PDE4B: variants seen among roughly 807,000 people sequenced by gnomAD.
PDE4B encodes the protein 3',5'-cyclic-AMP phosphodiesterase 4B.
A neutral mutation model predicts 82.2 loss-of-function variants in PDE4B; 20 were observed. The observed-to-expected ratio is 0.24, with a 90% CI of 0.17 to 0.35. The LOEUF (loss-of-function observed/expected upper bound fraction) is 0.35, where lower values mean the gene tolerates loss of function less well. Ranked by LOEUF, PDE4B falls within the 10% of genes least tolerant of loss-of-function variation. The pLI, the probability that PDE4B is intolerant of heterozygous loss-of-function variation, is 1.00. For synonymous variants in PDE4B, 320 were observed against 318.9 expected (o/e 1.00, Z -0.04); for missense variants, 655 against 907.2 (o/e 0.72, Z 3.57).
At chr1:66,149,007 C>T (rs1286119305) in intron 3 of PDE4B, among the ~76,000 whole-genome samples, 1 of 152,170 alleles carries the variant, frequency 6.6e-6, no homozygotes, top group Non-Finnish European at 1.5e-5. Flanking sequence ...AGAGAAATCG[C>T]TAGGTCATAT....
At chr1:66,252,942 A>AAAAT (rs976702232) in intron 4 of PDE4B, among the ~76,000 whole-genome samples, 22 of 152,196 alleles carry the variant, frequency 1.4e-4, no homozygotes, top group African/African-American at 4.6e-4. Context: ...CTGTCTCCAA[A>AAAAT]AAATAAATAA....
At chr1:66,108,186 T>C (rs966665163) in intron 3 of PDE4B, among the ~76,000 whole-genome samples, 1 of 151,968 alleles carries the variant, frequency 6.6e-6, no homozygotes, top group African/African-American at 2.4e-5. Flanking sequence ...AACTGAAATT[T>C]TGTAAGCCTT....
intron 3 of PDE4B, among the ~76,000 whole-genome samples, chr1:65,974,009 TG>T (rs1055170129): frequency 6.6e-6 from 1 of 152,024 alleles, no homozygotes; most frequent in Middle Eastern, 3.2e-3. Flanking sequence ...GATGGAGTTT[TG>T]CCATGTTGAT....
At position 65,837,118 on chromosome 1, in the gene PDE4B, C is replaced by T. The variant is rs145215110; in HGVS notation, c.-71+43870C>T. On this transcript the variant is annotated intron_variant, in intron 1 of 16. Transcript: ENST00000341517. ...TTTTTTTTTTTTAATCATTAAGCTACCATGGTGATAGATATCCTAGACACA... is the reference window on the plus strand; with the variant it reads ...TTTTTTTTTTTTAATCATTAAGCTATCATGGTGATAGATATCCTAGACACA... 1.4e-3 allele frequency among the ~76,000 whole-genome samples: 215 copies of T among 151,578 alleles called. 1 individual carries two copies. The highest frequency in any genetic ancestry group is 5.0e-3 in the African/African-American group (205 of 41,268).
intron 3 of PDE4B, among the ~76,000 whole-genome samples, chr1:65,933,757 A>G (rs963788019): frequency 2.6e-5 from 4 of 152,326 alleles, no homozygotes; most frequent in African/African-American, 9.6e-5. Flanking sequence ...AACAAATGAC[A>G]CAAACGGTAA....
chr1:65,854,621 T>A (rs1217234746), intron 1 of PDE4B, among the ~76,000 whole-genome samples: 1 of 152,110 alleles, frequency 6.6e-6, no homozygotes, highest in Non-Finnish European at 1.5e-5. Flanking sequence ...TTTCTCTGGA[T>A]GCTTTTAAGT....
intron 3 of PDE4B, chr1:66,152,618 ATT>A (rs1221946850): frequency 1.1e-4 from 12 of 112,056 alleles, no homozygotes; most frequent in Admixed American, 5.3e-4. Flanking sequence ...ACATATATAT[ATT>A]TATATATGTG....
intron 1 of PDE4B, among the ~76,000 whole-genome samples, chr1:65,840,631 C>G (rs74690510): frequency 6.6e-6 from 1 of 152,106 alleles, no homozygotes; most frequent in Non-Finnish European, 1.5e-5. Context: ...CATGAGCCAT[C>G]TCTTATGTTA....
intron 3 of PDE4B, among the ~76,000 whole-genome samples, chr1:66,180,503 T>TG (rs1647040768): frequency 1.3e-5 from 2 of 151,850 alleles, no homozygotes; most frequent in Admixed American, 6.6e-5. Flanking sequence ...AAAGCTCAAG[T>TG]CAGGGAACTG....
chr1:66,351,744 A>C (rs1408566458), intron 8 of PDE4B, among the ~76,000 whole-genome samples: 1 of 152,212 alleles, frequency 6.6e-6, no homozygotes, highest in African/African-American at 2.4e-5. Context: ...GAGAATGAAA[A>C]GTCAAGATTT....
At chr1:65,900,007 C>A (rs1646953884) in intron 1 of PDE4B, among the ~76,000 whole-genome samples, 1 of 151,896 alleles carries the variant, frequency 6.6e-6, no homozygotes, top group African/African-American at 2.4e-5. Context: ...CCAAACACCA[C>A]CTGTTCCCCC....
intron 7 of PDE4B, among the ~76,000 whole-genome samples, chr1:66,307,747 C>T (rs1006275286): frequency 2.0e-5 from 3 of 151,972 alleles, no homozygotes; most frequent in African/African-American, 7.3e-5. Flanking sequence ...TGGGAGATTT[C>T]CAGGAATTTT....
chr1:65,836,005 G>A (rs1341790170), intron 1 of PDE4B, among the ~76,000 whole-genome samples: 1 of 151,900 alleles, frequency 6.6e-6, no homozygotes, highest in Non-Finnish European at 1.5e-5. Flanking sequence ...GCAATGGAAT[G>A]GTCTCAGTTT....
At chr1:66,203,001 A>G (rs1649158060) in intron 3 of PDE4B, among the ~76,000 whole-genome samples, 1 of 152,032 alleles carries the variant, frequency 6.6e-6, no homozygotes, top group Admixed American at 6.6e-5. Context: ...GTTCATTTCC[A>G]TGTTTAGTGC....
intron 3 of PDE4B, chr1:66,042,796 C>T (rs1011154006): frequency 2.6e-5 from 4 of 151,644 alleles, no homozygotes; most frequent in African/African-American, 9.7e-5. Context: ...GGGATATAAT[C>T]GTTGTTAATG....
At chr1:65,940,178 A>AT (rs1648366911) in intron 3 of PDE4B, among the ~76,000 whole-genome samples, 1 of 152,140 alleles carries the variant, frequency 6.6e-6, no homozygotes, top group Admixed American at 6.6e-5. Context: ...CAGTTATTGT[A>AT]TAAAAAGTAG....
rs137947106 is a variant in PDE4B, at chr1:65,992,523, T to G, written c.281+73688T>G. ...TGAATGCAGCTTGTTTAATAAGATTTTTTTTAAAAAAATGCATGTAAAGGA... is the reference window on the plus strand; with the variant it reads ...TGAATGCAGCTTGTTTAATAAGATTGTTTTTAAAAAAATGCATGTAAAGGA... On this transcript the variant is annotated intron_variant, in intron 3 of 16. Transcript: ENST00000341517. 210 of 165,594 alleles carry G rather than the reference T, an allele frequency of 1.3e-3. 1 individual carries two copies. Among genetic ancestry groups the G allele is most frequent in the African/African-American group, 4.9e-3 (206 of 41,896 alleles). The allele number at this position is 165,594 out of a possible 1,614,324, so 10.3% of individuals were successfully genotyped here. A position where few individuals can be genotyped will look rare whatever the true frequency, so the allele number is the denominator to read the frequency against.
chr1:65,882,680 A>ATGTGTGTGTG (rs5774774), intron 1 of PDE4B, among the ~76,000 whole-genome samples: 17 of 149,954 alleles, frequency 1.1e-4, no homozygotes, highest in East Asian at 3.9e-4. Context: ...TTTGAAAAAT[A>ATGTGTGTGTG]TGTGTGTGTG....
intron 1 of PDE4B, among the ~76,000 whole-genome samples, chr1:65,875,963 T>TG (rs1281177645): frequency 6.6e-6 from 1 of 150,664 alleles, no homozygotes; most frequent in Non-Finnish European, 1.5e-5. Flanking sequence ...AAAAAAAAAA[T>TG]GGGGAAAAAA....
Sources: allele counts gnomAD v4.1 joint callset (sites outside exome capture counted in the v4.1 genomes callset), GRCh38; gene constraint gnomAD v4.1.1; transcripts MANE v1.5; gene names NCBI Gene and HGNC (gene_info 2026-07-23, HGNC 2026-07-21).